GREB1: variants seen among roughly 807,000 people sequenced by gnomAD.
The protein encoded by GREB1 is protein GREB1.
GREB1 carries 106 observed loss-of-function variants against 200.7 expected under a neutral mutation model. The ratio of observed to expected loss-of-function variants is 0.53; its 90% CI spans 0.45 to 0.62. The LOEUF is 0.62. Among genes scored for constraint, GREB1 ranks in the 20% least tolerant of loss-of-function variants. The pLI is 0.00. For missense variants in GREB1, 2,243 were observed against 2,556.8 expected (o/e 0.88, Z 2.65); for synonymous variants, 1,132 against 1,092.4 (o/e 1.04, Z -0.72).
intron 4 of GREB1, among the ~76,000 whole-genome samples, chr2:11,567,456 G>A (rs1677786918): frequency 6.6e-6 from 1 of 152,148 alleles, no homozygotes; most frequent in African/African-American, 2.4e-5. Flanking sequence ...CAGTTTTATA[G>A]GTGAGCTTGG....
chr2:11,560,632 C>T (rs939470934), intron 2 of GREB1, among the ~76,000 whole-genome samples: 1 of 151,338 alleles, frequency 6.6e-6, no homozygotes, highest in East Asian at 1.9e-4. Context: ...ACCCGGGAGG[C>T]GGAGATTGCA....
At chr2:11,630,666 C>A (rs1209693426) in intron 26 of GREB1, among the ~76,000 whole-genome samples, 1 of 152,220 alleles carries the variant, frequency 6.6e-6, no homozygotes, top group Non-Finnish European at 1.5e-5. Context: ...GACCTCAAAT[C>A]ATGTCATCTA....
intron 10 of GREB1, among the ~76,000 whole-genome samples, chr2:11,589,456 A>T (rs558187791): frequency 6.6e-6 from 1 of 152,224 alleles, no homozygotes; most frequent in African/African-American, 2.4e-5. Context: ...AGGAGCAGTG[A>T]GTGTCCCAGT....
intron 17 of GREB1, among the ~76,000 whole-genome samples, chr2:11,603,840 A>C (rs747973572): frequency 2.6e-5 from 4 of 152,262 alleles, no homozygotes; most frequent in Non-Finnish European, 5.9e-5. Flanking sequence ...TCAGCACTCT[A>C]TATTTATTAC....
chr2:11,503,879 T>C (rs571024045), intron 1 of GREB1, among the ~76,000 whole-genome samples: 47 of 152,294 alleles, frequency 3.1e-4, no homozygotes, highest in African/African-American at 1.1e-3. Flanking sequence ...ATGGGATATA[T>C]GTTCCAAGAT....
chr2:11,483,126 C>T (rs1263676292), intron 1 of GREB1, among the ~76,000 whole-genome samples: 3 of 152,022 alleles, frequency 2.0e-5, no homozygotes, highest in South Asian at 4.1e-4. Context: ...TGTCCGGGAT[C>T]GGCCCTGGCA....
At chr2:11,568,013 G>A (rs1677864054) in intron 4 of GREB1, among the ~76,000 whole-genome samples, 1 of 152,210 alleles carries the variant, frequency 6.6e-6, no homozygotes, top group African/African-American at 2.4e-5. Flanking sequence ...TTCTTTGGAG[G>A]AAATCTGGGC....
intron 22 of GREB1, among the ~76,000 whole-genome samples, chr2:11,620,307 G>C (rs1043908163): frequency 6.6e-6 from 1 of 152,152 alleles, no homozygotes; most frequent in African/African-American, 2.4e-5. Flanking sequence ...GGTACAGGGA[G>C]GGTACTGGGC....
chr2:11,550,592 G>T (rs1675718331), intron 1 of GREB1, among the ~76,000 whole-genome samples: 2 of 152,208 alleles, frequency 1.3e-5, no homozygotes, highest in South Asian at 4.1e-4. Context: ...TTTTCACCTT[G>T]TTGCCTGGAA....
chr2:11,554,419 G>T (rs996876600), intron 1 of GREB1, among the ~76,000 whole-genome samples: 2 of 152,196 alleles, frequency 1.3e-5, no homozygotes, highest in Non-Finnish European at 2.9e-5. Context: ...TATACCTTCG[G>T]GAGGGAAAGC....
chr2:11,483,577 T>A (rs1173134716), intron 1 of GREB1, among the ~76,000 whole-genome samples: 1 of 151,514 alleles, frequency 6.6e-6, no homozygotes, highest in Non-Finnish European at 1.5e-5. Context: ...GGACGGTGGT[T>A]TAGGGGCCCC....
chr2:11,542,048 G>GAC (rs1674809100), intron 1 of GREB1, among the ~76,000 whole-genome samples: 1 of 151,014 alleles, frequency 6.6e-6, no homozygotes, highest in East Asian at 2.0e-4. Flanking sequence ...CTTCTATTTT[G>GAC]CATTACACTG....
intron 1 of GREB1, among the ~76,000 whole-genome samples, chr2:11,540,892 G>A (rs73915412): frequency 0.029 from 4,475 of 152,322 alleles, 238 homozygotes; most frequent in African/African-American, 0.1. Flanking sequence ...GCTGTTGAAA[G>A]TGAGACAGGT....
upstream of GREB1, among the ~76,000 whole-genome samples, chr2:11,531,408 G>C (rs1674070012): frequency 6.6e-6 from 1 of 151,986 alleles, no homozygotes; most frequent in Admixed American, 6.6e-5. Flanking sequence ...ATTCAAGCTT[G>C]ACGGAATTTC....
intron 9 of GREB1, chr2:11,587,694 AACACACACACACACACACACACACACAC>A: frequency 5.7e-6 from 4 of 706,296 alleles, no homozygotes; most frequent in Non-Finnish European, 5.3e-6. Flanking sequence ...AGTACAAGAT[AACACACACACACACACACACACACACAC>A]ACACACACAC....
At chr2:11,486,165 T>G (rs1296564126) in intron 1 of GREB1, among the ~76,000 whole-genome samples, 1 of 152,216 alleles carries the variant, frequency 6.6e-6, no homozygotes, top group Non-Finnish European at 1.5e-5. Context: ...GGGCTAGCTA[T>G]TCCAGAGCGT....
At chr2:11,587,324 C>A (rs1680217557) in intron 9 of GREB1, 2 of 1,261,768 alleles carry the variant, frequency 1.6e-6, no homozygotes, top group African/African-American at 1.5e-5. Flanking sequence ...TCTTTTATGA[C>A]AAATGTCACA....
rs1331540960 is a variant in GREB1 at position 11,595,286 on chromosome 2, C to T, written c.1732C>T (p.Leu578Phe). The change falls in exon 12 of 33, where the codon CTC becomes TTC. Residue 578 changes from leucine (L) to phenylalanine (F), a missense_variant. Transcript: ENST00000381486. ...AGCCCGGATTCTTTCCGAGAGCCTT[C>T]TCACTCCTGCGGAGTACCAGAAGGA... ...YQARILSESLLTPAEYQKEVN... is the reference protein window; with the variant it reads ...YQARILSESLFTPAEYQKEVN... The T allele has an allele frequency of 6.2e-7, 1 of 1,613,554 alleles. No homozygotes were observed. The highest frequency in any genetic ancestry group is 8.5e-7 in the Non-Finnish European group (1 of 1,179,582).
chr2:11,492,882 T>C lies in GREB1; in HGVS notation c.-159+10501T>C, dbSNP rs545709679. ...CCTAGGAAAATGGCTCCTTATCTGC[T>C]GGGGGCTGGTCACAGCTGGAGCAGA... On this transcript the variant is annotated intron_variant, in intron 1 of 2. Coordinates refer to the GREB1 transcript ENST00000628795. This position sits in a 1 kb window ranked among gnomAD's most constrained non-coding sequence, Gnocchi z 4.0. 4.6e-5 allele frequency among the ~76,000 whole-genome samples: 7 copies of C among 152,186 alleles called. No individual in the cohort carries two copies. Among genetic ancestry groups the C allele is most frequent in the Admixed American group, 1.3e-4 (2 of 15,292 alleles).
Sources: gnomAD v4.1 joint callset for allele counts (sites outside exome capture counted in the v4.1 genomes callset) on GRCh38, gnomAD v4.1.1 for gene constraint, Gnocchi (gnomAD v3.1) non-coding constraint, MANE v1.5 for transcripts, NCBI Gene and HGNC (gene_info 2026-07-23, HGNC 2026-07-21) for gene names.